Variants in ADAMTS2 observed in about 807,000 individuals in gnomAD.
The protein encoded by ADAMTS2 is A disintegrin and metalloproteinase with thrombospondin motifs 2.
Under a neutral mutation model 123.0 loss-of-function variants are expected in ADAMTS2, and 50 were observed. The ratio of observed to expected loss-of-function variants is 0.41; its 90% confidence interval spans 0.32 to 0.51. The LOEUF (loss-of-function observed/expected upper bound fraction) is 0.51. ADAMTS2 is among the 20% of genes least tolerant of loss of function. The probability of loss-of-function intolerance (pLI) is 0.35; values close to 1 mark genes in which losing one functional copy is unlikely to be tolerated. For missense variants in ADAMTS2, 1,494 were observed against 1,705.2 expected (o/e 0.88, Z 2.18); for synonymous variants, 678 against 695.4 (o/e 0.98, Z 0.39).
At chr5:179,152,097 GTCCTCTGCCCTGCTGCCC>G (rs1763370397) in intron 10 of ADAMTS2, 27 bp downstream of exon 10, 1 of 1,563,698 alleles carries the variant, frequency 6.4e-7, no homozygotes, top group Admixed American at 1.7e-5. Flanking sequence ...TAAGATTCCT[GTCCTCTGCCCTGCTGCCC>G]TCCAAGAGCC....
intron 2 of ADAMTS2, among the ~76,000 whole-genome samples, chr5:179,306,094 A>C (rs1182315420): frequency 2.0e-5 from 3 of 152,160 alleles, no homozygotes; most frequent in Non-Finnish European, 4.4e-5. Context: ...TATGAGGTCA[A>C]CATTACCCTG....
intron 4 of ADAMTS2, among the ~76,000 whole-genome samples, chr5:179,193,784 T>A (rs764221426): frequency 2.8e-4 from 42 of 152,178 alleles, no homozygotes; most frequent in Non-Finnish European, 5.1e-4. Flanking sequence ...AAAGTCACCT[T>A]TGTGGGAGTC....
chr5:179,218,506 T>C (rs1225447294), intron 3 of ADAMTS2, among the ~76,000 whole-genome samples: 2 of 152,250 alleles, frequency 1.3e-5, no homozygotes, highest in Non-Finnish European at 2.9e-5. Context: ...ACTGGTGTAC[T>C]TTATTAAAAG....
rs777170469 is a variant in ADAMTS2, at chr5:179,114,177, G to A, written c.3326C>T (p.Pro1109Leu). Residue 1109 changes from proline to leucine, a missense_variant, in exon 22 of 22, where the codon CCG becomes CTG. By Grantham distance (98) the Pro-to-Leu change is moderately conservative. Around this residue, in one of 6 missense-constraint regions of ADAMTS2, gnomAD observed 953 missense variants for 1,124.7 expected, o/e 0.85. Transcript: ENST00000251582. The part of the protein sequence containing the change: ...LTNVEGRIEP[P>L]PGKHNDIDVF... ...GTCAATGTCGTTGTGCTTCCCAGGC[G>A]GTGGCTCTATCCTGCCCTCCACGTT... is the stretch of plus-strand genomic sequence containing the variant. 19 of 1,612,062 alleles carry A rather than the reference G, an allele frequency of 1.2e-5. No homozygotes were observed. Among genetic ancestry groups the A allele is most frequent in the South Asian group, 8.8e-5 (8 of 91,032 alleles).
intron 7 of ADAMTS2, 138 bp from the exon 8 acceptor site, chr5:179,154,330 C>A: frequency 8.0e-7 from 1 of 1,243,070 alleles, no homozygotes. Context: ...CGGGTGGCAC[C>A]GACCATCTAC....
intron 21 of ADAMTS2, 188 bp downstream of exon 21, chr5:179,121,473 C>CCAGCAGG: frequency 4.2e-6 from 2 of 472,768 alleles, no homozygotes; most frequent in East Asian, 6.5e-5. Flanking sequence ...CGAGCCCCCG[C>CCAGCAGG]CAGCAGGCAG....
At chr5:179,243,642 C>T (rs775173109) in intron 3 of ADAMTS2, among the ~76,000 whole-genome samples, 1 of 152,050 alleles carries the variant, frequency 6.6e-6, no homozygotes, top group Non-Finnish European at 1.5e-5. Context: ...AACAGAAACA[C>T]AAATGACTCA....
At chr5:179,301,762 A>G (rs546807793) in intron 2 of ADAMTS2, among the ~76,000 whole-genome samples, 9 of 152,390 alleles carry the variant, frequency 5.9e-5, no homozygotes, top group African/African-American at 2.2e-4. Flanking sequence ...CTCTGGGAAA[A>G]GACACAAATG....
intron 4 of ADAMTS2, among the ~76,000 whole-genome samples, chr5:179,203,280 G>A (rs1764607509): frequency 6.6e-6 from 1 of 152,230 alleles, no homozygotes; most frequent in South Asian, 2.1e-4. Context: ...CAGTTCAGTG[G>A]GCAGCTCATT....
intron 2 of ADAMTS2, among the ~76,000 whole-genome samples, chr5:179,295,878 T>C (rs1756315977): frequency 6.6e-6 from 1 of 152,176 alleles, no homozygotes; most frequent in African/African-American, 2.4e-5. Context: ...GTGGGGCCTG[T>C]GCTGGGAGCA....
At chr5:179,341,006 C>T (rs534899417) in intron 2 of ADAMTS2, among the ~76,000 whole-genome samples, 3 of 152,316 alleles carry the variant, frequency 2.0e-5, no homozygotes, top group South Asian at 4.2e-4. Context: ...TAACCCCTCG[C>T]TGTGGATATT....
At chr5:179,238,578 G>A (rs922710293) in intron 3 of ADAMTS2, among the ~76,000 whole-genome samples, 8 of 152,186 alleles carry the variant, frequency 5.3e-5, no homozygotes, top group Admixed American at 5.2e-4. Flanking sequence ...CTCGAATGAG[G>A]TGGGAGGGTG....
intron 2 of ADAMTS2, among the ~76,000 whole-genome samples, chr5:179,277,326 G>A (rs868596374): frequency 5.2e-4 from 1 of 1,924 alleles, no homozygotes; most frequent in Non-Finnish European, 1.3e-3. Flanking sequence ...CTGACACCCC[G>A]AGACCAAAGG....
chr5:179,187,263 A>T (rs1764193679), intron 4 of ADAMTS2, among the ~76,000 whole-genome samples: 1 of 152,152 alleles, frequency 6.6e-6, no homozygotes, highest in Non-Finnish European at 1.5e-5. Context: ...ACCCCAAGGC[A>T]TGAGACCGCA....
chr5:179,292,317 C>A (rs1012761389), intron 2 of ADAMTS2, among the ~76,000 whole-genome samples: 1 of 144,172 alleles, frequency 6.9e-6, no homozygotes, highest in African/African-American at 2.6e-5. Flanking sequence ...ACATTGTGAG[C>A]GGTAACAGCT....
rs997179762 is a variant in ADAMTS2 at position 179,312,475 on chromosome 5, C to A, written c.534+31292G>T. ...TGCCTTCTTGAACCAGGGAGCAGAC[C>A]CTCACCACAACCATATGCACAGCTT... is the stretch of plus-strand genomic sequence containing the variant. On this transcript the variant is annotated intron_variant, in intron 2 of 21. Transcript: ENST00000251582. This position sits in a 1 kb window ranked among gnomAD's most constrained non-coding sequence, Gnocchi z 4.2. 6.6e-6 allele frequency among the ~76,000 whole-genome samples: 1 copy of A among 152,156 alleles called. No individual in the cohort carries two copies. The highest frequency in any genetic ancestry group is 2.4e-5 in the African/African-American group (1 of 41,428).
intron 4 of ADAMTS2, among the ~76,000 whole-genome samples, chr5:179,190,556 C>A (rs980282830): frequency 6.6e-6 from 1 of 152,148 alleles, no homozygotes; most frequent in Admixed American, 6.5e-5. Context: ...GCTTGGTTGG[C>A]GAGTTTTTGG....
intron 4 of ADAMTS2, among the ~76,000 whole-genome samples, chr5:179,198,556 G>A (rs1186003526): frequency 6.6e-6 from 1 of 152,186 alleles, no homozygotes. Context: ...AGTGTAGGCC[G>A]GGAGCAGTGG....
At chr5:179,276,410 T>C (rs1423242774) in intron 2 of ADAMTS2, among the ~76,000 whole-genome samples, 1 of 152,176 alleles carries the variant, frequency 6.6e-6, no homozygotes, top group Non-Finnish European at 1.5e-5. Flanking sequence ...GGGCAAGCTG[T>C]CCTGGAGCGT....
Sources: gnomAD v4.1 joint callset for allele counts (sites outside exome capture counted in the v4.1 genomes callset) on GRCh38, gnomAD v4.1.1 for gene constraint, gnomAD v4.1.1 regional missense constraint, Gnocchi (gnomAD v3.1) non-coding constraint, MANE v1.5 for transcripts, NCBI Gene and HGNC (gene_info 2026-07-23, HGNC 2026-07-21) for gene names.